Variants in L3MBTL3 observed in about 807,000 individuals in gnomAD.
L3MBTL3 encodes lethal(3)malignant brain tumor-like protein 3.
In L3MBTL3, 27 loss-of-function variants were observed where a neutral mutation model predicts 102.3. The observed-to-expected ratio is 0.26, with a 90% confidence interval of 0.19 to 0.36. The LOEUF is 0.36. L3MBTL3 is among the 10% of genes least tolerant of loss of function. The pLI is 1.00. For missense variants in L3MBTL3, 798 were observed against 955.3 expected (o/e 0.84, Z 2.17); for synonymous variants, 340 against 320.9 (o/e 1.06, Z -0.64).
intron 13 of L3MBTL3, among the ~76,000 whole-genome samples, chr6:130,076,772 C>T (rs1049867981): frequency 6.6e-6 from 1 of 152,100 alleles, no homozygotes. Flanking sequence ...CTATCACAGC[C>T]TTCCAACTTT....
At chr6:130,031,013 G>T (rs6938183) in intron 2 of L3MBTL3, among the ~76,000 whole-genome samples, 5,401 of 152,206 alleles carry the variant, frequency 0.035, 307 homozygotes, top group African/African-American at 0.12. Flanking sequence ...TACCCCATGT[G>T]ACCTTGTATT....
At chr6:130,056,633 G>T (rs982917344) in intron 8 of L3MBTL3, among the ~76,000 whole-genome samples, 1 of 152,160 alleles carries the variant, frequency 6.6e-6, no homozygotes, top group African/African-American at 2.4e-5. Flanking sequence ...AAATTCCTCA[G>T]TTCCTCTGCA....
Position 130,057,412 on chromosome 6 carries a change from C to T in L3MBTL3, c.674C>T (p.Pro225Leu), listed in dbSNP as rs894264832. 50 of 1,607,338 alleles carry T rather than the reference C, an allele frequency of 3.1e-5. No individual in the cohort carries two copies. Among genetic ancestry groups the T allele is most frequent in the Non-Finnish European group, 4.2e-5 (49 of 1,177,662 alleles). Reference sequence around the variant, plus strand: ...CGTCTTGCTTGCCTTTCAGGTTTGCCTCCTAAAGGAAAGAAAGCGTGGTGC... The same window carrying T: ...CGTCTTGCTTGCCTTTCAGGTTTGCTTCCTAAAGGAAAGAAAGCGTGGTGC... ...GDSAVLKQGL[P>L]PKGKKAWCWA... is the part of the protein sequence containing the mutation. The change falls in exon 9 of 23, where the codon CCT becomes CTT. Residue 225 changes from proline (P) to leucine (L), a missense_variant. Coordinates refer to ENST00000361794, the MANE Select transcript of L3MBTL3 (RefSeq NM_032438.4).
chr6:130,122,093 A>G (rs1211278895), intron 20 of L3MBTL3, among the ~76,000 whole-genome samples: 1 of 152,236 alleles, frequency 6.6e-6, no homozygotes, highest in East Asian at 1.9e-4. Flanking sequence ...GATGGTATTT[A>G]TAAATCAAAT....
chr6:130,131,775 A>T lies in L3MBTL3; in HGVS notation c.1967-1677A>T, dbSNP rs10428834. The stretch of plus-strand genomic sequence containing the variant: ...GTAACTTCCTGATGTTGACATGACA[A>T]TTGTAAACTGTCCTGGCGCTGGTGA... On this transcript the variant is annotated intron_variant, in intron 20 of 22. Transcript: ENST00000361794. Among the ~76,000 whole-genome samples, 565 of 152,328 alleles carry T rather than the reference A, an allele frequency of 3.7e-3. 6 individuals are homozygous for T. Among genetic ancestry groups the T allele is most frequent in the Middle Eastern group, 0.024 (7 of 294 alleles).
chr6:130,136,625 CT>C (rs5880001), intron 22 of L3MBTL3, among the ~76,000 whole-genome samples: 103 of 149,582 alleles, frequency 6.9e-4, no homozygotes, highest in Middle Eastern at 3.4e-3. Flanking sequence ...CACAAATCAC[CT>C]TTTTTTTTTG....
chr6:130,071,123 T>C lies in L3MBTL3; in HGVS notation c.1240T>C (p.Tyr414His), dbSNP rs1240542412. 6.2e-7 allele frequency: 1 copy of C among 1,608,556 alleles called. No homozygotes were observed. Residue 414 changes from tyrosine to histidine, a missense_variant, in exon 13 of 23, where the codon TAT (tyrosine) becomes CAT (histidine). This residue lies in a region of L3MBTL3 where 434 missense variants were observed against 506.6 expected (regional missense o/e 0.86). Coordinates refer to ENST00000361794, the MANE Select transcript of L3MBTL3 (RefSeq NM_032438.4). The stretch of plus-strand genomic sequence containing the variant: ...TGACAACTGGGATGAGAGCTATGAC[T>C]ATTGGTGAGACATTTTCTGTTGTGT... ...HFDNWDESYD[Y>H]WCEASSPHIH...
intron 19 of L3MBTL3, among the ~76,000 whole-genome samples, chr6:130,113,004 G>A (rs934307126): frequency 1.3e-5 from 2 of 152,316 alleles, no homozygotes; most frequent in South Asian, 2.1e-4. Flanking sequence ...GAGGCAAGAT[G>A]TTGAGGCATG....
intron 2 of L3MBTL3, among the ~76,000 whole-genome samples, chr6:130,025,925 T>C (rs1779312410): frequency 6.6e-6 from 1 of 152,150 alleles, no homozygotes; most frequent in African/African-American, 2.4e-5. Flanking sequence ...TTGGGCTCAG[T>C]ATATTCCTAA....
chr6:130,127,811 G>C (rs1225463680), intron 20 of L3MBTL3, among the ~76,000 whole-genome samples: 1 of 151,700 alleles, frequency 6.6e-6, no homozygotes, highest in Non-Finnish European at 1.5e-5. Context: ...GTTTTTTTTA[G>C]TAACATTAAG....
chr6:130,092,041 G>T lies in L3MBTL3; in HGVS notation c.1519-704G>T, dbSNP rs1315969397. On this transcript the variant is annotated intron_variant, in intron 16 of 22. Transcript: ENST00000361794. Reference sequence around the variant, plus strand: ...TAAAACAAAGAAATGACGAAAGCTGGAGGTGATGGATACCCCAGTTACCCT... The same window carrying T: ...TAAAACAAAGAAATGACGAAAGCTGTAGGTGATGGATACCCCAGTTACCCT... Among the ~76,000 whole-genome samples, 4 of 152,014 alleles carry T rather than the reference G, an allele frequency of 2.6e-5. No individual in the cohort carries two copies. The East Asian group carries it at 5.8e-4, about 22-fold the overall frequency.
chr6:130,054,894 G>A lies in L3MBTL3; in HGVS notation c.583-277G>A, dbSNP rs567322517. Among the ~76,000 whole-genome samples, 4 of 152,354 alleles carry A rather than the reference G, an allele frequency of 2.6e-5. No homozygotes were observed. The East Asian group carries it at 7.7e-4, about 29-fold the overall frequency. On this transcript the variant is annotated intron_variant, in intron 7 of 22. Transcript: ENST00000361794. ...GTAAGGCGTGAGGAAAATCAGAGCA[G>A]AGCGGTCACGCAGCTGAGAGCAGAA...
At chr6:130,121,431 A>G (rs2114261537) in intron 20 of L3MBTL3, among the ~76,000 whole-genome samples, 1 of 152,306 alleles carries the variant, frequency 6.6e-6, no homozygotes, top group South Asian at 2.1e-4. Context: ...GCTGCAAAAG[A>G]TGAACTTTAA....
At chr6:130,107,474 A>G (rs925818311) in intron 19 of L3MBTL3, among the ~76,000 whole-genome samples, 1 of 152,224 alleles carries the variant, frequency 6.6e-6, no homozygotes, top group Admixed American at 6.5e-5. Context: ...ATGCCTTAAA[A>G]CCTAGAGGTA....
chr6:130,083,701 A>C lies in L3MBTL3; in HGVS notation c.1403A>C (p.Lys468Thr), dbSNP rs141987480. The C allele has an allele frequency of 6.7e-7, 1 of 1,492,854 alleles. No individual in the cohort carries two copies. The highest frequency in any genetic ancestry group is 9.1e-7 in the Non-Finnish European group (1 of 1,093,194). 92.5% of individuals were successfully genotyped at this position (1,492,854 alleles called of 1,614,324 possible). ...TTACCTGCTCCTGCAAGAGCTTTCA[A>C]AGTGGTAAGATGATACATTTTATTA... The part of the protein sequence containing the change: ...NSLPAPARAF[K>T]VKPPHGFQKK... Residue 468 changes from lysine to threonine, a missense_variant, in exon 15 of 23, where the codon AAA becomes ACA. Around this residue, in one of 4 missense-constraint regions of L3MBTL3, gnomAD observed 306 missense variants for 314.4 expected, o/e 0.97. Transcript: ENST00000361794.
intron 18 of L3MBTL3, among the ~76,000 whole-genome samples, chr6:130,102,733 T>C (rs1784771369): frequency 6.6e-6 from 1 of 152,214 alleles, no homozygotes; most frequent in African/African-American, 2.4e-5. Flanking sequence ...ATTGTTTCCC[T>C]ACGGATCTTC....
At chr6:130,106,052 C>A (rs1398992204) in intron 19 of L3MBTL3, among the ~76,000 whole-genome samples, 1 of 152,172 alleles carries the variant, frequency 6.6e-6, no homozygotes, top group Non-Finnish European at 1.5e-5. Flanking sequence ...ATCAAGGAAA[C>A]AATCTCAGAC....
chr6:130,125,329 T>C (rs1052396296), intron 20 of L3MBTL3, among the ~76,000 whole-genome samples: 1 of 152,214 alleles, frequency 6.6e-6, no homozygotes, highest in African/African-American at 2.4e-5. Flanking sequence ...TTTCCTGTGA[T>C]TTCCTACATT....
intron 2 of L3MBTL3, among the ~76,000 whole-genome samples, chr6:130,023,692 C>G (rs1203821571): frequency 2.0e-5 from 3 of 152,136 alleles, no homozygotes; most frequent in African/African-American, 7.2e-5. Context: ...ATTTTGAGAA[C>G]CATAAAGAGT....
Sources: allele counts gnomAD v4.1 joint callset (sites outside exome capture counted in the v4.1 genomes callset), GRCh38; gene constraint gnomAD v4.1.1; regional missense constraint gnomAD v4.1.1; transcripts MANE v1.5; gene names NCBI Gene and HGNC (gene_info 2026-07-23, HGNC 2026-07-21).